Variants in PDE4D observed in about 807,000 individuals in gnomAD.
PDE4D encodes 3',5'-cyclic-AMP phosphodiesterase 4D.
Under a neutral mutation model 87.4 loss-of-function variants are expected in PDE4D, and 24 were observed. That is an observed-to-expected ratio of 0.27 (90% confidence interval 0.20 to 0.39). The LOEUF (loss-of-function observed/expected upper bound fraction) is 0.39. PDE4D is among the 10% of genes least tolerant of loss of function. The pLI is 1.00. For missense variants in PDE4D, 714 were observed against 1,041.0 expected, an observed-to-expected ratio of 0.69 and a Z score of 4.32; for synonymous variants, 384 against 383.2, an observed-to-expected ratio of 1.00 and a Z score of -0.02.
At chr5:59,279,119 G>A (rs1765351512) in intron 1 of PDE4D, among the ~76,000 whole-genome samples, 1 of 152,014 alleles carries the variant, frequency 6.6e-6, no homozygotes, top group Admixed American at 6.6e-5. Flanking sequence ...GATTACAATA[G>A]ATATTCTATA....
At chr5:59,218,632 T>C (rs1751795139) in intron 1 of PDE4D, among the ~76,000 whole-genome samples, 1 of 152,162 alleles carries the variant, frequency 6.6e-6, no homozygotes, top group Admixed American at 6.6e-5. Flanking sequence ...GATCATTTTC[T>C]TAAACAAGGA....
At chr5:60,394,255 C>T (rs189517943) in intron 1 of PDE4D, among the ~76,000 whole-genome samples, 2 of 152,302 alleles carry the variant, frequency 1.3e-5, no homozygotes, top group East Asian at 1.9e-4. Context: ...ATTTTTCCTA[C>T]ACAAGGTCAC....
intron 2 of PDE4D, among the ~76,000 whole-genome samples, chr5:60,022,375 G>T (rs1439780366): frequency 6.6e-6 from 1 of 152,128 alleles, no homozygotes; most frequent in African/African-American, 2.4e-5. Flanking sequence ...TCCTGTAGAA[G>T]AAATGGGGAA....
At chr5:59,157,471 A>T in intron 5 of PDE4D, 1 of 647,546 alleles carries the variant, frequency 1.5e-6, no homozygotes, top group Non-Finnish European at 2.8e-6. Flanking sequence ...ATTTACGACT[A>T]AGTTTCCAAT....
At chr5:59,468,228 A>G (rs1426983410) in intron 1 of PDE4D, among the ~76,000 whole-genome samples, 1 of 142,648 alleles carries the variant, frequency 7.0e-6, no homozygotes, top group Non-Finnish European at 1.5e-5. Context: ...CCCTCCCCGC[A>G]TCTTCCTGTA....
intron 1 of PDE4D, among the ~76,000 whole-genome samples, chr5:60,193,586 C>T (rs1298821996): frequency 3.6e-5 from 5 of 139,218 alleles, no homozygotes; most frequent in African/African-American, 1.3e-4. Context: ...AGGAGAATGG[C>T]GTGAACCCCC....
intron 1 of PDE4D, among the ~76,000 whole-genome samples, chr5:59,857,228 G>T (rs1031914564): frequency 6.6e-6 from 1 of 152,128 alleles, no homozygotes; most frequent in African/African-American, 2.4e-5. Context: ...TACACATCAC[G>T]CATTTGTCCA....
intron 1 of PDE4D, among the ~76,000 whole-genome samples, chr5:59,404,664 T>TAAAAAAAAAAA (rs141310449): frequency 7.3e-6 from 1 of 137,100 alleles, no homozygotes; most frequent in African/African-American, 2.7e-5. Flanking sequence ...AGACTCTGTC[T>TAAAAAAAAAAA]AAAAAAAAAA....
chr5:59,460,678 T>C (rs1428903031), intron 1 of PDE4D, among the ~76,000 whole-genome samples: 2 of 152,156 alleles, frequency 1.3e-5, no homozygotes, highest in Non-Finnish European at 2.9e-5. Flanking sequence ...AAAAGGGAGC[T>C]GCAGCTTTCC....
At chr5:60,251,791 G>A (rs986004255) in intron 1 of PDE4D, among the ~76,000 whole-genome samples, 6 of 151,814 alleles carry the variant, frequency 4.0e-5, no homozygotes, top group Admixed American at 1.3e-4. Context: ...TTAGTGTACC[G>A]TTAAGTGTAC....
intron 1 of PDE4D, chr5:59,275,290 C>G: frequency 6.9e-7 from 1 of 1,444,496 alleles, no homozygotes. Context: ...AGGAGTACGT[C>G]AATCTTAAAA....
intron 2 of PDE4D, among the ~76,000 whole-genome samples, chr5:60,063,207 T>C (rs1582459747): frequency 6.8e-6 from 1 of 147,780 alleles, no homozygotes; most frequent in Non-Finnish European, 1.5e-5. Context: ...AATTTGGTAA[T>C]TGGGGAGAAA....
intron 1 of PDE4D, among the ~76,000 whole-genome samples, chr5:59,838,560 C>T (rs1742500751): frequency 6.6e-6 from 1 of 152,056 alleles, no homozygotes; most frequent in African/African-American, 2.4e-5. Context: ...TCTACTTTCC[C>T]TTCGGTTTTG....
At chr5:60,097,275 G>T (rs1181452939) in intron 2 of PDE4D, among the ~76,000 whole-genome samples, 1 of 151,812 alleles carries the variant, frequency 6.6e-6, no homozygotes, top group Non-Finnish European at 1.5e-5. Context: ...TTGTGTGTGT[G>T]TGTGTGTGTG....
At chr5:59,075,169 C>T (rs900260713) in intron 5 of PDE4D, among the ~76,000 whole-genome samples, 1 of 150,578 alleles carries the variant, frequency 6.6e-6, no homozygotes, top group Non-Finnish European at 1.5e-5. Context: ...GTAGGAATGC[C>T]ATGTAACTAG....
At chr5:59,900,263 T>A (rs13169760) in intron 3 of PDE4D, among the ~76,000 whole-genome samples, 1 of 135,798 alleles carries the variant, frequency 7.4e-6, no homozygotes, top group Non-Finnish European at 1.5e-5. Context: ...TATATATATA[T>A]ACACACACAC....
At chr5:60,026,417 T>C (rs570051263) in intron 2 of PDE4D, among the ~76,000 whole-genome samples, 2 of 152,250 alleles carry the variant, frequency 1.3e-5, no homozygotes, top group East Asian at 1.9e-4. Flanking sequence ...TCTTCACACA[T>C]CATTCCTCAT....
chr5:59,749,674 C>T (rs557983579), intron 1 of PDE4D, among the ~76,000 whole-genome samples: 2 of 152,200 alleles, frequency 1.3e-5, no homozygotes, highest in East Asian at 3.9e-4. Flanking sequence ...TTTAAAGTGC[C>T]CCAACTGTCT....
intron 2 of PDE4D, among the ~76,000 whole-genome samples, chr5:59,998,551 C>G (rs541137343): frequency 5.1e-4 from 78 of 152,196 alleles, no homozygotes; most frequent in Non-Finnish European, 9.4e-4. Context: ...GAAATCTATA[C>G]AACTTTTCCA....
Sources: allele counts gnomAD v4.1 joint callset (sites outside exome capture counted in the v4.1 genomes callset), GRCh38; gene constraint gnomAD v4.1.1; transcripts MANE v1.5; gene names NCBI Gene and HGNC (gene_info 2026-07-23, HGNC 2026-07-21).